The following GOLM2 variants were observed in gnomAD, a reference collection of about 807,000 sequenced individuals.
GOLM2 encodes the protein protein GOLM2.
In GOLM2, 26 loss-of-function variants were observed where a neutral mutation model predicts 55.9. That is an observed-to-expected ratio of 0.47 (90% CI 0.34 to 0.65). The LOEUF (loss-of-function observed/expected upper bound fraction) is 0.65, where lower values mean the gene tolerates loss of function less well. Ranked by LOEUF, GOLM2 falls within the 30% of genes least tolerant of loss-of-function variation. The pLI is 0.01. For missense variants in GOLM2, 486 were observed against 531.8 expected, an observed-to-expected ratio of 0.91 and a Z score of 0.85; for synonymous variants, 165 against 194.6, an observed-to-expected ratio of 0.85 and a Z score of 1.27.
At position 44,316,878 on chromosome 15, in the gene GOLM2, C is replaced by T. The variant is rs1181180147; in HGVS notation, c.328-6087C>T. Among the ~76,000 whole-genome samples the T allele has an allele frequency of 3.3e-5, 5 of 151,056 alleles. No homozygotes were observed. In the South Asian group the frequency reaches 6.3e-4, roughly 19 times the overall value. ...ATCTGTGCCTGTGGTCCCAGCTACT[C>T]GGGAGGCTAAGGTGGGAGGATCACA... On this transcript the variant is annotated intron_variant, in intron 1 of 9. Transcript: ENST00000299957.
chr15:44,350,897 C>T (rs1034289407), intron 6 of GOLM2, among the ~76,000 whole-genome samples: 2 of 152,070 alleles, frequency 1.3e-5, no homozygotes, highest in Non-Finnish European at 2.9e-5. Context: ...TCAATTGATG[C>T]TGAGAAAGCA....
intron 8 of GOLM2, among the ~76,000 whole-genome samples, chr15:44,395,570 G>A (rs1333157637): frequency 2.6e-5 from 4 of 151,454 alleles, no homozygotes; most frequent in Non-Finnish European, 2.9e-5. Context: ...GGCCGGGTGC[G>A]GTGGCTAATG....
chr15:44,299,723 A>G (rs958080065), intron 1 of GOLM2, among the ~76,000 whole-genome samples: 4 of 152,058 alleles, frequency 2.6e-5, no homozygotes, highest in Non-Finnish European at 5.9e-5. Context: ...TTCATGAAGT[A>G]AAATATTTAG....
rs1328773476 is a variant in GOLM2, at chr15:44,332,578, A to C, written c.576+500A>C. 3.9e-5 allele frequency among the ~76,000 whole-genome samples: 6 copies of C among 152,248 alleles called. No individual in the cohort carries two copies. In the East Asian group the frequency reaches 1.2e-3, roughly 29 times the overall value. On this transcript the variant is annotated intron_variant, in intron 4 of 9. Coordinates refer to ENST00000299957, the MANE Select transcript of GOLM2 (RefSeq NM_138423.4). ...CCGTTTCAAAAAAAAAAAAAATTTAAATTAATTTTGAACCAAAATATCCAT... is the reference window on the plus strand; with the variant it reads ...CCGTTTCAAAAAAAAAAAAAATTTACATTAATTTTGAACCAAAATATCCAT...
At chr15:44,413,303 T>C (rs746827755) in intron 9 of GOLM2, 33 bp from the exon 10 acceptor site, 48 of 1,515,784 alleles carry the variant, frequency 3.2e-5, no homozygotes, top group Admixed American at 1.6e-4. Context: ...ATTTAAAAAA[T>C]AATATGTTGA....
chr15:44,401,446 G>A (rs971620348), intron 8 of GOLM2, among the ~76,000 whole-genome samples: 1 of 152,018 alleles, frequency 6.6e-6, no homozygotes, highest in Admixed American at 6.6e-5. Context: ...TGTATTTTTT[G>A]TAGAGATGTT....
rs554171204 is a variant in GOLM2 at position 44,407,142 on chromosome 15, T to C, written c.1240+4088T>C. On this transcript the variant is annotated intron_variant, in intron 9 of 9. Transcript: ENST00000299957. The stretch of plus-strand genomic sequence containing the variant: ...TATATTTATATAGATATATAAATGG[T>C]TATATATTTATAATATATTTCTATT... Among the ~76,000 whole-genome samples the C allele has an allele frequency of 4.4e-3, 651 of 146,720 alleles. 4 individuals are homozygous for C. Among genetic ancestry groups the C allele is most frequent in the African/African-American group, 0.015 (630 of 40,662 alleles).
intron 6 of GOLM2, among the ~76,000 whole-genome samples, chr15:44,356,284 G>T (rs937089957): frequency 3.3e-5 from 5 of 152,016 alleles, no homozygotes; most frequent in Non-Finnish European, 5.9e-5. Context: ...GAAAATCAAT[G>T]AAACCAATAG....
chr15:44,386,658 G>A (rs2079446117), intron 8 of GOLM2, among the ~76,000 whole-genome samples: 1 of 152,052 alleles, frequency 6.6e-6, no homozygotes, highest in South Asian at 2.1e-4. Flanking sequence ...ATCACATGAG[G>A]CCAGGAGTTC....
At chr15:44,397,478 C>CAAAAAAA (rs1007948393) in intron 8 of GOLM2, among the ~76,000 whole-genome samples, 105 of 32,414 alleles carry the variant, frequency 3.2e-3, no homozygotes, top group African/African-American at 7.5e-3. Flanking sequence ...GACTCCGTCT[C>CAAAAAAA]AAAAAAAAAA....
intron 6 of GOLM2, chr15:44,355,701 C>T (rs138349982): frequency 7.2e-5 from 14 of 195,202 alleles, no homozygotes; most frequent in South Asian, 4.2e-4. Flanking sequence ...AACAGCCCTC[C>T]GGACTACCAG....
At chr15:44,332,810 A>T (rs544835116) in intron 4 of GOLM2, among the ~76,000 whole-genome samples, 3 of 152,074 alleles carry the variant, frequency 2.0e-5, no homozygotes, top group Non-Finnish European at 4.4e-5. Flanking sequence ...AACCAATTTG[A>T]TTCATACTTT....
chr15:44,306,686 G>A (rs2078839401), intron 1 of GOLM2, among the ~76,000 whole-genome samples: 1 of 152,142 alleles, frequency 6.6e-6, no homozygotes, highest in South Asian at 2.1e-4. Flanking sequence ...TAAAGTGAGA[G>A]ACATACAACT....
At chr15:44,413,255 C>T in intron 9 of GOLM2, 81 bp from the exon 10 acceptor site, 2 of 971,656 alleles carry the variant, frequency 2.1e-6, no homozygotes, top group Non-Finnish European at 3.2e-6. Context: ...TACCTTAAGG[C>T]TATGAAAAAC....
At chr15:44,363,355 C>T (rs1299971312) in intron 6 of GOLM2, among the ~76,000 whole-genome samples, 1 of 150,570 alleles carries the variant, frequency 6.6e-6, no homozygotes, top group African/African-American at 2.4e-5. Flanking sequence ...AAGAAAAAAA[C>T]AAACAACCCC....
intron 6 of GOLM2, among the ~76,000 whole-genome samples, chr15:44,343,055 C>T (rs2079099477): frequency 2.0e-5 from 3 of 152,114 alleles, no homozygotes; most frequent in Admixed American, 1.3e-4. Flanking sequence ...TTCTATTGGC[C>T]GGGTGCAGTG....
rs546415289 is a variant in GOLM2, at chr15:44,290,088, T to C, written c.327+732T>C. ...TTCATTGAAAGAAAATAGAATGAAA[T>C]TTTGTATAGCTAAGTTGCTATTAGG... On this transcript the variant is annotated intron_variant, in intron 1 of 9. Coordinates refer to ENST00000299957, the MANE Select transcript of GOLM2 (RefSeq NM_138423.4). Among the ~76,000 whole-genome samples, 110 of 152,194 alleles carry C rather than the reference T, an allele frequency of 7.2e-4. 1 individual carries two copies. Among genetic ancestry groups the C allele is most frequent in the Non-Finnish European group, 1.2e-3 (85 of 68,020 alleles).
At chr15:44,411,013 CTTTTTTTTTT>C (rs201998296) in intron 9 of GOLM2, among the ~76,000 whole-genome samples, 2 of 81,330 alleles carry the variant, frequency 2.5e-5, no homozygotes, top group African/African-American at 4.4e-5. Context: ...GTTTGTTTGA[CTTTTTTTTTT>C]TTTTTTTTTT....
At chr15:44,298,709 G>T (rs774430857) in intron 1 of GOLM2, among the ~76,000 whole-genome samples, 16 of 152,112 alleles carry the variant, frequency 1.1e-4, no homozygotes, top group Non-Finnish European at 2.1e-4. Context: ...CTTGAGGAAG[G>T]ACTATGTTTT....
Sources: allele counts gnomAD v4.1 joint callset (sites outside exome capture counted in the v4.1 genomes callset), GRCh38; gene constraint gnomAD v4.1.1; transcripts MANE v1.5; gene names NCBI Gene and HGNC (gene_info 2026-07-23, HGNC 2026-07-21).